The following ZBTB16 variants were observed in gnomAD, a reference collection of about 807,000 sequenced individuals.
The protein encoded by ZBTB16 is zinc finger and BTB domain-containing protein 16.
In ZBTB16, 8 loss-of-function variants were observed where a neutral mutation model predicts 56.8. The ratio of observed to expected loss-of-function variants is 0.14; its 90% CI spans 0.08 to 0.25. The LOEUF (loss-of-function observed/expected upper bound fraction) is 0.25. Among genes scored for constraint, ZBTB16 ranks in the 10% least tolerant of loss-of-function variants. The pLI is 1.00. For missense variants in ZBTB16, 625 were observed against 903.0 expected (o/e 0.69, Z 3.95); for synonymous variants, 363 against 368.5 (o/e 0.98, Z 0.17).
At chr11:114,216,580 C>G (rs1168902225) in intron 4 of ZBTB16, among the ~76,000 whole-genome samples, 1 of 152,160 alleles carries the variant, frequency 6.6e-6, no homozygotes, top group Non-Finnish European at 1.5e-5. Context: ...AACATTCTGG[C>G]AAGACAGTGC....
rs904424940 is a variant in ZBTB16 at position 114,234,965 on chromosome 11, T to C, written c.1454-7202T>C. 3.3e-5 allele frequency among the ~76,000 whole-genome samples: 5 copies of C among 151,816 alleles called. No individual in the cohort carries two copies. The East Asian group carries it at 9.7e-4, about 29-fold the overall frequency. ...AGTGTGTGGTCACGAAGGTTGCCCA[T>C]GCTGGAGATGGTGTCTTAGGAAAGA... On this transcript the variant is annotated intron_variant, in intron 4 of 6. Transcript: ENST00000335953.
At chr11:114,111,400 C>T (rs982683316) in intron 2 of ZBTB16, among the ~76,000 whole-genome samples, 5 of 152,146 alleles carry the variant, frequency 3.3e-5, no homozygotes, top group African/African-American at 1.2e-4. Context: ...CTGAAATCCC[C>T]CTTTTCTTTC....
At chr11:114,198,452 G>A (rs1409484972) in intron 4 of ZBTB16, among the ~76,000 whole-genome samples, 2 of 152,154 alleles carry the variant, frequency 1.3e-5, no homozygotes, top group African/African-American at 2.4e-5. Context: ...AGAGTAGGGA[G>A]GAACAACCCA....
In ZBTB16 at chr11:114,232,150, C is replaced by T. The variant is rs149943429; in HGVS notation, c.1454-10017C>T. 2.7e-3 allele frequency among the ~76,000 whole-genome samples: 409 copies of T among 152,248 alleles called. 2 individuals are homozygous for T. Among genetic ancestry groups the T allele is most frequent in the African/African-American group, 9.1e-3 (379 of 41,542 alleles). The stretch of plus-strand genomic sequence containing the variant: ...TTGGGGCTTCTTTTCCTGGAAGCCT[C>T]TAAGATCAGCTGAATTCGAGACCAA... On this transcript the variant is annotated intron_variant, in intron 4 of 6. Transcript: ENST00000335953.
intron 2 of ZBTB16, among the ~76,000 whole-genome samples, chr11:114,107,879 T>C (rs1940854271): frequency 6.6e-6 from 1 of 152,024 alleles, no homozygotes; most frequent in Non-Finnish European, 1.5e-5. Context: ...TTCAAATTAA[T>C]TTGGAGTGAA....
chr11:114,064,781 G>A lies in ZBTB16; in HGVS notation c.1268+213G>A, dbSNP rs187190509. Among the ~76,000 whole-genome samples the A allele has an allele frequency of 6.2e-4, 94 of 152,288 alleles. No homozygotes were observed. Among genetic ancestry groups the A allele is most frequent in the African/African-American group, 2.1e-3 (88 of 41,562 alleles). On this transcript the variant is annotated intron_variant, in intron 2 of 6. Coordinates refer to ENST00000335953, the MANE Select transcript of ZBTB16 (RefSeq NM_006006.6). This position sits in a 1 kb window ranked among gnomAD's most constrained non-coding sequence, Gnocchi z 4.2. ...CTAGGATCTTTCCAAAAAGCACCAGGGGACACTCATGGGCGCAGCTTCTTA... is the reference window on the plus strand; with the variant it reads ...CTAGGATCTTTCCAAAAAGCACCAGAGGACACTCATGGGCGCAGCTTCTTA...
chr11:114,152,027 C>A (rs371760093), intron 2 of ZBTB16, among the ~76,000 whole-genome samples: 2 of 152,312 alleles, frequency 1.3e-5, no homozygotes, highest in East Asian at 3.9e-4. Context: ...TATGCAGTAG[C>A]CATTAGCCTT....
chr11:114,153,413 A>C (rs144298137), intron 2 of ZBTB16, among the ~76,000 whole-genome samples: 6 of 152,332 alleles, frequency 3.9e-5, no homozygotes, highest in African/African-American at 1.4e-4. Context: ...GCACTGAGTT[A>C]GTGGGTCAGT....
chr11:114,148,640 C>A (rs1008026548), intron 2 of ZBTB16, among the ~76,000 whole-genome samples: 4 of 151,286 alleles, frequency 2.6e-5, no homozygotes, highest in Non-Finnish European at 5.9e-5. Flanking sequence ...ACTACAGGCA[C>A]CTGCCACCAT....
intron 3 of ZBTB16, among the ~76,000 whole-genome samples, chr11:114,175,993 G>A (rs1943102543): frequency 1.3e-5 from 2 of 151,624 alleles, no homozygotes; most frequent in African/African-American, 2.4e-5. Context: ...GTGTGTGTGT[G>A]TGTGTGTGCG....
At chr11:114,205,988 C>G (rs1002089573) in intron 4 of ZBTB16, among the ~76,000 whole-genome samples, 3 of 152,206 alleles carry the variant, frequency 2.0e-5, no homozygotes, top group African/African-American at 7.2e-5. Context: ...GTCTTGGCCA[C>G]TGACCTCATC....
At chr11:114,242,435 C>T in intron 5 of ZBTB16, 98 bp downstream of exon 5, 1 of 1,503,098 alleles carries the variant, frequency 6.7e-7, no homozygotes, top group South Asian at 1.2e-5. Context: ...GCTGAGTCAG[C>T]CTTCAGTCCT....
At chr11:114,098,047 C>A (rs1192244635) in intron 2 of ZBTB16, among the ~76,000 whole-genome samples, 1 of 152,190 alleles carries the variant, frequency 6.6e-6, no homozygotes, top group Non-Finnish European at 1.5e-5. Flanking sequence ...CCTCCTGCAA[C>A]TGGTGGCAGA....
intron 4 of ZBTB16, among the ~76,000 whole-genome samples, chr11:114,221,464 G>A (rs1374330439): frequency 6.6e-6 from 1 of 152,196 alleles, no homozygotes; most frequent in Non-Finnish European, 1.5e-5. Flanking sequence ...TGCATATTAA[G>A]CAAATGACAG....
intron 2 of ZBTB16, among the ~76,000 whole-genome samples, chr11:114,083,837 A>G (rs557238586): frequency 6.6e-5 from 10 of 152,126 alleles, no homozygotes; most frequent in Middle Eastern, 3.4e-3. Context: ...GGTGATACTT[A>G]TAAGGTAACT....
At chr11:114,201,882 A>C (rs1362606672) in intron 4 of ZBTB16, among the ~76,000 whole-genome samples, 1 of 152,244 alleles carries the variant, frequency 6.6e-6, no homozygotes, top group African/African-American at 2.4e-5. Flanking sequence ...CATAATTTTA[A>C]AAATTAAAGT....
intron 3 of ZBTB16, among the ~76,000 whole-genome samples, chr11:114,170,308 C>T (rs1478240819): frequency 6.6e-6 from 1 of 152,196 alleles, no homozygotes; most frequent in Non-Finnish European, 1.5e-5. Flanking sequence ...GAGTTGGCCA[C>T]CCTGGAGGGC....
rs1297308710 is a variant in ZBTB16 at position 114,251,035 on chromosome 11, G to A, written c.*480G>A. Among the ~76,000 whole-genome samples the A allele has an allele frequency of 6.6e-6, 1 of 152,164 alleles. No individual in the cohort carries two copies. The highest frequency in any genetic ancestry group is 1.5e-5 in the Non-Finnish European group (1 of 68,024). ...ATGGGTCTGGGCTGGGTCACTAGCT[G>A]CTCAAAATGGCAGCTCTAGTTTGCT... On this transcript the variant is annotated 3_prime_UTR_variant, in exon 7 of 7. Coordinates refer to ENST00000335953, the MANE Select transcript of ZBTB16 (RefSeq NM_006006.6).
intron 3 of ZBTB16, among the ~76,000 whole-genome samples, chr11:114,173,717 G>A (rs585287): frequency 0.34 from 51,005 of 152,048 alleles, 8,761 homozygotes; most frequent in African/African-American, 0.41. Context: ...GGATCTGCTC[G>A]ACAAGCCTTG....
Sources: allele counts gnomAD v4.1 joint callset (sites outside exome capture counted in the v4.1 genomes callset), GRCh38; gene constraint gnomAD v4.1.1; non-coding constraint Gnocchi (gnomAD v3.1); transcripts MANE v1.5; gene names NCBI Gene and HGNC (gene_info 2026-07-23, HGNC 2026-07-21).